Variants in DAB2IP observed in about 807,000 individuals in gnomAD.
DAB2IP encodes the protein DAB2 interacting protein.
In DAB2IP, 28 loss-of-function variants were observed where a neutral mutation model predicts 107.2. The observed-to-expected ratio is 0.26, with a 90% CI of 0.19 to 0.36. DAB2IP has a LOEUF of 0.36. Ranked by LOEUF, DAB2IP falls within the 10% of genes least tolerant of loss-of-function variation. The probability of loss-of-function intolerance (pLI) is 1.00; values close to 1 mark genes in which losing one functional copy is unlikely to be tolerated. For missense variants in DAB2IP, 1,400 were observed against 1,644.7 expected (o/e 0.85, Z 2.57); for synonymous variants, 755 against 706.4 (o/e 1.07, Z -1.09).
At chr9:121,609,105 C>G (rs1380858378) in intron 1 of DAB2IP, among the ~76,000 whole-genome samples, 1 of 152,168 alleles carries the variant, frequency 6.6e-6, no homozygotes, top group East Asian at 1.9e-4. Flanking sequence ...TCACGGCCAG[C>G]TATTTTTTTG....
chr9:121,645,767 G>A lies in DAB2IP; in HGVS notation c.41-32911G>A, dbSNP rs530719152. 5.6e-4 allele frequency among the ~76,000 whole-genome samples: 85 copies of A among 152,292 alleles called. 1 individual carries two copies. Among genetic ancestry groups the A allele is most frequent in the Non-Finnish European group, 9.8e-4 (67 of 68,028 alleles). On this transcript the variant is annotated intron_variant, in intron 1 of 16. Transcript: ENST00000259371. ...TTCTCTCAAGGTTCCTTCTACCTCG[G>A]ACATTCCGGGGCTTTATGACAGGCT... is the stretch of plus-strand genomic sequence containing the variant.
chr9:121,605,799 C>T (rs1319593031), intron 1 of DAB2IP, among the ~76,000 whole-genome samples: 1 of 152,206 alleles, frequency 6.6e-6, no homozygotes, highest in East Asian at 1.9e-4. Flanking sequence ...AGCCACCGCA[C>T]CTGGCTTCTT....
At chr9:121,747,953 C>T (rs566990346) in intron 3 of DAB2IP, among the ~76,000 whole-genome samples, 7 of 151,962 alleles carry the variant, frequency 4.6e-5, no homozygotes, top group African/African-American at 1.2e-4. Flanking sequence ...ACAGTTTATA[C>T]GGGGAGAGGA....
chr9:121,681,332 T>C (rs1828593521), intron 2 of DAB2IP, among the ~76,000 whole-genome samples: 1 of 152,168 alleles, frequency 6.6e-6, no homozygotes, highest in Non-Finnish European at 1.5e-5. Context: ...AGGGGTATTA[T>C]CACACCTTAA....
At chr9:121,596,075 C>G (rs964803218) in intron 1 of DAB2IP, among the ~76,000 whole-genome samples, 1 of 152,104 alleles carries the variant, frequency 6.6e-6, no homozygotes, top group Non-Finnish European at 1.5e-5. Flanking sequence ...AATCCCAGCA[C>G]TTTAGGAGGC....
upstream of DAB2IP, among the ~76,000 whole-genome samples, chr9:121,649,881 G>T (rs538921816): frequency 6.6e-6 from 1 of 152,336 alleles, no homozygotes; most frequent in South Asian, 2.1e-4. Context: ...AGGAGATAGG[G>T]CAATGCCTCC....
chr9:121,567,082 A>G, exon 1 of DAB2IP: 1 of 1,423,732 alleles, frequency 7.0e-7, no homozygotes, highest in Non-Finnish European at 9.8e-7. Context: ...CCAGTCATCT[A>G]GTTGGAAAAG....
chr9:121,748,060 G>A (rs1485504200), intron 3 of DAB2IP, among the ~76,000 whole-genome samples: 1 of 152,174 alleles, frequency 6.6e-6, no homozygotes, highest in Non-Finnish European at 1.5e-5. Flanking sequence ...AGGCAGCAGT[G>A]AGATGTTGCT....
intron 1 of DAB2IP, among the ~76,000 whole-genome samples, chr9:121,622,098 C>T (rs1271305237): frequency 6.7e-6 from 1 of 150,222 alleles, no homozygotes; most frequent in Non-Finnish European, 1.5e-5. Context: ...AAGCGATTCT[C>T]CTGCCTCAGC....
chr9:121,740,974 T>C (rs950932347), intron 3 of DAB2IP, among the ~76,000 whole-genome samples: 3 of 152,184 alleles, frequency 2.0e-5, no homozygotes, highest in Non-Finnish European at 4.4e-5. Context: ...ATTGGGCCTC[T>C]TCTTACTGAC....
In DAB2IP at chr9:121,597,617, T is replaced by C. The variant is rs73544279; in HGVS notation, c.40+30389T>C. ...TGCAGCTCTCTCATCACGTTTTACA[T>C]GAACATCTACATAATGCTTTTGTTT... is the stretch of plus-strand genomic sequence containing the variant. On this transcript the variant is annotated intron_variant, in intron 1 of 16. Coordinates refer to the DAB2IP transcript ENST00000259371. Among the ~76,000 whole-genome samples, 1,135 of 152,328 alleles carry C rather than the reference T, an allele frequency of 7.5e-3. 14 individuals are homozygous for C. Among genetic ancestry groups the C allele is most frequent in the African/African-American group, 0.025 (1,059 of 41,572 alleles).
At chr9:121,763,243 G>T (rs1564211717) in intron 6 of DAB2IP, among the ~76,000 whole-genome samples, 1 of 152,170 alleles carries the variant, frequency 6.6e-6, no homozygotes, top group African/African-American at 2.4e-5. Context: ...CACGTGGCAT[G>T]CTCTCATTCA....
At position 121,641,995 on chromosome 9, in the gene DAB2IP, T is replaced by TTCTCTCTCTCTCTC. The variant is rs71370683; in HGVS notation, c.41-36659_41-36646dup. On this transcript the variant is annotated intron_variant, in intron 1 of 16. Coordinates refer to the DAB2IP transcript ENST00000259371. ...CTCTTTCTTTCTTTCTTTCTTTCCT[T>TTCTCTCTCTCTCTC]TCTCTCTCTCTCTCTCTCTCTCTCT... 5.2e-3 allele frequency among the ~76,000 whole-genome samples: 182 copies of TTCTCTCTCTCTCTC among 34,828 alleles called. 4 individuals are homozygous for TTCTCTCTCTCTCTC. The highest frequency in any genetic ancestry group is 8.5e-3 in the East Asian group (9 of 1,058). 22.8% of individuals were successfully genotyped at this position (34,828 alleles called of 152,430 possible).
chr9:121,744,125 C>T (rs1054952638), intron 3 of DAB2IP, among the ~76,000 whole-genome samples: 8 of 152,152 alleles, frequency 5.3e-5, no homozygotes, highest in South Asian at 2.1e-4. Context: ...TCTGAGTGGC[C>T]GAACCTTTGG....
chr9:121,770,561 C>T (rs1162940361), exon 11 of DAB2IP: 1 of 1,614,008 alleles, frequency 6.2e-7, no homozygotes, highest in South Asian at 1.1e-5. Flanking sequence ...AGTATCCAAA[C>T]TGGGACCCCT....
chr9:121,586,267 G>C (rs1428703910), intron 1 of DAB2IP, among the ~76,000 whole-genome samples: 1 of 152,236 alleles, frequency 6.6e-6, no homozygotes, highest in Non-Finnish European at 1.5e-5. Flanking sequence ...CATGAATCCT[G>C]ATGGCAGATG....
At position 121,699,441 on chromosome 9, in the gene DAB2IP, C is replaced by A; in HGVS notation, c.345C>A (p.Ala115=). ...CGGGGTTCCGGAGCGCCGCCGCCGCCGCCGCGGACAATGAGAGGTGAGCCC... is the reference window on the plus strand; with the variant it reads ...CGGGGTTCCGGAGCGCCGCCGCCGCAGCCGCGGACAATGAGAGGTGAGCCC... Residue 115 remains alanine (A), a synonymous_variant, in exon 3 of 16, where the codon GCC becomes GCA. Coordinates refer to ENST00000408936, the Ensembl canonical transcript of DAB2IP. This position sits in a 1 kb window ranked among gnomAD's most constrained non-coding sequence, Gnocchi z 6.2. The A allele has an allele frequency of 6.9e-7, 1 of 1,440,910 alleles. No individual in the cohort carries two copies. Among genetic ancestry groups the A allele is most frequent in the Non-Finnish European group, 9.2e-7 (1 of 1,084,892 alleles). The allele number at this position is 1,440,910 out of a possible 1,614,324, so 89.3% of individuals were successfully genotyped here.
intron 3 of DAB2IP, among the ~76,000 whole-genome samples, chr9:121,752,529 A>G (rs1291579491): frequency 6.6e-6 from 1 of 152,216 alleles, no homozygotes; most frequent in Non-Finnish European, 1.5e-5. Flanking sequence ...GAGCCCAGGA[A>G]GGCTTCAGGG....
intron 4 of DAB2IP, among the ~76,000 whole-genome samples, chr9:121,757,797 C>G (rs1376970203): frequency 1.3e-5 from 2 of 152,202 alleles, no homozygotes; most frequent in African/African-American, 4.8e-5. Flanking sequence ...ATTGCTTCTG[C>G]AGTTATTCAT....
Sources: allele counts gnomAD v4.1 joint callset (sites outside exome capture counted in the v4.1 genomes callset), GRCh38; gene constraint gnomAD v4.1.1; non-coding constraint Gnocchi (gnomAD v3.1); transcripts MANE v1.5; gene names NCBI Gene and HGNC (gene_info 2026-07-23, HGNC 2026-07-21).